Variants in BAHCC1 observed in about 807,000 individuals in gnomAD.
BAHCC1 encodes BAH domain and coiled-coil containing 1.
In BAHCC1, 43 loss-of-function variants were observed where a neutral mutation model predicts 88.2. The observed-to-expected ratio is 0.49, with a 90% CI of 0.38 to 0.63. The LOEUF (loss-of-function observed/expected upper bound fraction) is 0.63, where lower values mean the gene tolerates loss of function less well. Among genes scored for constraint, BAHCC1 ranks in the 20% least tolerant of loss-of-function variants. The pLI is 0.00. For missense variants in BAHCC1, 3,023 were observed against 1,654.8 expected, an observed-to-expected ratio of 1.83 and a Z score of -14.34; for synonymous variants, 1,510 against 745.5, an observed-to-expected ratio of 2.03 and a Z score of -16.71.
intron 3 of BAHCC1, among the ~76,000 whole-genome samples, chr17:81,432,401 C>T (rs1330257287): frequency 4.6e-5 from 7 of 152,074 alleles, no homozygotes; most frequent in African/African-American, 1.5e-4. Flanking sequence ...AGGGAGTTCC[C>T]TGGTAGCCAG....
intron 2 of BAHCC1, among the ~76,000 whole-genome samples, chr17:81,416,832 C>T (rs1286148082): frequency 6.6e-6 from 1 of 152,222 alleles, no homozygotes; most frequent in Non-Finnish European, 1.5e-5. Context: ...GTGGCTGGTC[C>T]ACTTGGAGGA....
chr17:81,444,892 T>C (rs905251432), intron 8 of BAHCC1, 66 bp downstream of exon 8: 3 of 716,286 alleles, frequency 4.2e-6, no homozygotes, highest in Non-Finnish European at 5.1e-6. Context: ...CAGCCGGGGG[T>C]GTGCTGGCCA....
At position 81,434,248 on chromosome 17, in the gene BAHCC1, C is replaced by T. The variant is rs140160969; in HGVS notation, c.359-4122C>T. Among the ~76,000 whole-genome samples the T allele has an allele frequency of 6.5e-3, 995 of 152,286 alleles. 6 individuals are homozygous for T. The highest frequency in any genetic ancestry group is 0.022 in the African/African-American group (910 of 41,546). ...CAGGGCCTCCCAGGCTGGCTGCCCA[C>T]GTGCACATTCCAGGCTCGGGGCCAC... On this transcript the variant is annotated intron_variant, in intron 3 of 27. Transcript: ENST00000675386. The surrounding 1 kb of genome is among the most constrained non-coding windows in gnomAD (Gnocchi z 4.9).
At chr17:81,439,943 G>GGCCTGCACTTCCTCGCCTGCACTTCCTC (rs564036473) in intron 4 of BAHCC1, among the ~76,000 whole-genome samples, 1 of 152,146 alleles carries the variant, frequency 6.6e-6, no homozygotes, top group African/African-American at 2.4e-5. Flanking sequence ...ACCTCTGTGT[G>GGCCTGCACTTCCTCGCCTGCACTTCCTC]GCCTGCACTT....
In BAHCC1 at chr17:81,443,946, G is replaced by GT. The variant is rs781812209; in HGVS notation, c.2324+30dup. The GT allele has an allele frequency of 1.1e-4, 76 of 705,640 alleles. No homozygotes were observed. The African/African-American group carries it at 1.3e-3, about 12-fold the overall frequency. 43.7% of individuals were successfully genotyped at this position (705,640 alleles called of 1,614,324 possible). On this transcript the variant is annotated intron_variant, in intron 6 of 27. Coordinates refer to ENST00000675386, the MANE Select transcript of BAHCC1 (RefSeq NM_001377448.1). ...AGAGCTGGGCCTGTGGCCCTGGAGA[G>GT]TGGGGCTAGGCCTGGGCTTGGGGCT...
At chr17:81,420,623 G>A (rs908282742) in intron 2 of BAHCC1, among the ~76,000 whole-genome samples, 1 of 152,268 alleles carries the variant, frequency 6.6e-6, no homozygotes. Flanking sequence ...GCCCAAGCCA[G>A]GCCTCTACAG....
At chr17:81,403,286 T>G (rs1254489192) in intron 2 of BAHCC1, among the ~76,000 whole-genome samples, 1 of 152,170 alleles carries the variant, frequency 6.6e-6, no homozygotes, top group Admixed American at 6.5e-5. Context: ...CTATTTCTCA[T>G]CTTGGTTTCA....
chr17:81,395,856 G>GA (rs1433453437), intron 1 of BAHCC1: 4 of 146,808 alleles, frequency 2.7e-5, no homozygotes, highest in African/African-American at 1.0e-4. Context: ...TTTTTTCTCT[G>GA]AAAAATCTTA....
chr17:81,438,300 C>T (rs1256059519), intron 3 of BAHCC1, 70 bp from the exon 4 acceptor site: 1 of 764,402 alleles, frequency 1.3e-6, no homozygotes, highest in Non-Finnish European at 2.4e-6. Flanking sequence ...TCTTGCCTCC[C>T]TGGGGTCAGG....
rs1555659045 is a variant in BAHCC1, at chr17:81,460,942, C to T, written c.6279C>T (p.Ser2093=). The T allele has an allele frequency of 1.3e-6, 1 of 770,828 alleles. No individual in the cohort carries two copies. Among genetic ancestry groups the T allele is most frequent in the Non-Finnish European group, 2.4e-6 (1 of 417,876 alleles). 47.7% of individuals were successfully genotyped at this position (770,828 alleles called of 1,614,324 possible). A position where few individuals can be genotyped will look rare whatever the true frequency, so the allele number is the denominator to read the frequency against. The change falls in exon 26 of 28, where the codon AGC becomes AGT. Residue 2093 remains serine (S), a synonymous_variant. Coordinates refer to ENST00000675386, the MANE Select transcript of BAHCC1 (RefSeq NM_001377448.1). ...ASDHFLGRRG[S]PLLSWSAVAQ... The stretch of plus-strand genomic sequence containing the variant: ...ACCACTTCCTGGGCCGCCGTGGCAG[C>T]CCCTTGCTGAGCTGGTCCGCGGTGG...
At position 81,449,774 on chromosome 17, in the gene BAHCC1, C is replaced by T. The variant is rs1170380204; in HGVS notation, c.3977-1894C>T. ...TCCCCATCAGATCTGTGGTCTCGGTCCAGAGCTTTGCACCCCAGCATCTGC... is the reference window on the plus strand; with the variant it reads ...TCCCCATCAGATCTGTGGTCTCGGTTCAGAGCTTTGCACCCCAGCATCTGC... On this transcript the variant is annotated intron_variant, in intron 11 of 27. Transcript: ENST00000675386. Among the ~76,000 whole-genome samples, 7 of 151,878 alleles carry T rather than the reference C, an allele frequency of 4.6e-5. No homozygotes were observed. The East Asian group carries it at 9.7e-4, about 21-fold the overall frequency.
chr17:81,445,653 C>T lies in BAHCC1; in HGVS notation c.3135C>T (p.Ser1045=), dbSNP rs371258240. The T allele has an allele frequency of 1.1e-4, 83 of 732,422 alleles. No individual in the cohort carries two copies. In the African/African-American group the frequency reaches 1.2e-3, roughly 11 times the overall value. The allele number at this position is 732,422 out of a possible 1,614,324, so 45.4% of individuals were successfully genotyped here. ...AEEKNGEGQQ[S]TADIITSEPD... ...AAAAGAATGGGGAGGGTCAGCAGTC[C>T]ACGGCCGACATCATCACATCCGAAC... The change falls in exon 10 of 28, where the codon TCC becomes TCT. Residue 1045 remains serine (S), a synonymous_variant. Coordinates refer to ENST00000675386, the MANE Select transcript of BAHCC1 (RefSeq NM_001377448.1).
chr17:81,449,788 C>G (rs1555655376), intron 11 of BAHCC1, among the ~76,000 whole-genome samples: 1 of 152,058 alleles, frequency 6.6e-6, no homozygotes, highest in African/African-American at 2.4e-5. Flanking sequence ...AGCTTTGCAC[C>G]CCAGCATCTG....
chr17:81,453,625 TGTCTCCTGGGGGGGG>T lies in BAHCC1; in HGVS notation c.4445+786_4445+800del, dbSNP rs1285186010. ...CAGAGCTGCCCCTGCCCTGCCCAGG[TGTCTCCTGGGGGGGG>T]GTCTCCTGGGGTCTCCCTTTGAGAA... On this transcript the variant is annotated intron_variant, in intron 14 of 27. Transcript: ENST00000675386. 5.2e-4 allele frequency among the ~76,000 whole-genome samples: 78 copies of T among 151,422 alleles called. 1 individual carries two copies. The South Asian group carries it at 0.016, about 30-fold the overall frequency.
At position 81,462,990 on chromosome 17, in the gene BAHCC1, A is replaced by T. The variant is rs781856473; in HGVS notation, c.7620+14A>T. ...TGCGACGGCAAGGTGAGGCCCGGAC[A>T]GGTGTGGGGCCCAGCCCCCCTCGGG... On this transcript the variant is annotated intron_variant, in intron 27 of 27. Coordinates refer to ENST00000675386, the MANE Select transcript of BAHCC1 (RefSeq NM_001377448.1). 1.0e-5 allele frequency: 8 copies of T among 777,776 alleles called. No homozygotes were observed. In the African/African-American group the frequency reaches 1.4e-4, roughly 13 times the overall value. 48.2% of individuals were successfully genotyped at this position (777,776 alleles called of 1,614,324 possible).
chr17:81,460,150 T>A, intron 23 of BAHCC1, 127 bp from the exon 24 acceptor site: 1 of 636,714 alleles, frequency 1.6e-6, no homozygotes, highest in East Asian at 2.7e-5. Context: ...CTCCACTGTC[T>A]GTGTGGTCAG....
At chr17:81,455,150 C>T (rs1394175720) in intron 14 of BAHCC1, 117 bp from the exon 15 acceptor site, 10 of 635,972 alleles carry the variant, frequency 1.6e-5, no homozygotes, top group East Asian at 8.2e-5. Flanking sequence ...CTGCCCGAGA[C>T]GTGGGGCCCT....
intron 14 of BAHCC1, among the ~76,000 whole-genome samples, chr17:81,454,333 G>T (rs1424640442): frequency 6.6e-6 from 1 of 152,152 alleles, no homozygotes; most frequent in East Asian, 1.9e-4. Flanking sequence ...CCAGCTCCCA[G>T]CCTGGGGGAC....
chr17:81,425,798 ATGGTGGGTCGTGG>A (rs2064184602), intron 2 of BAHCC1, among the ~76,000 whole-genome samples: 1 of 79,956 alleles, frequency 1.3e-5, no homozygotes. Flanking sequence ...GTTGAGGGTG[ATGGTGGGTCGTGG>A]TGGTGGTGGG....
Sources: gnomAD v4.1 joint callset for allele counts (sites outside exome capture counted in the v4.1 genomes callset) on GRCh38, gnomAD v4.1.1 for gene constraint, Gnocchi (gnomAD v3.1) non-coding constraint, MANE v1.5 for transcripts, NCBI Gene and HGNC (gene_info 2026-07-23, HGNC 2026-07-21) for gene names.